PTCHD4: variants seen among roughly 807,000 people sequenced by gnomAD.
PTCHD4 encodes the protein patched domain-containing protein 4.
A neutral mutation model predicts 58.1 loss-of-function variants in PTCHD4; 33 were observed. The ratio of observed to expected loss-of-function variants is 0.57; its 90% CI spans 0.43 to 0.76. The LOEUF (loss-of-function observed/expected upper bound fraction) is 0.76. PTCHD4 is among the 30% of genes least tolerant of loss of function. The pLI, the probability that PTCHD4 is intolerant of heterozygous loss-of-function variation, is 0.00. For synonymous variants in PTCHD4, 478 were observed against 409.6 expected, an observed-to-expected ratio of 1.17 and a Z score of -2.02; for missense variants, 1,058 against 1,027.1, an observed-to-expected ratio of 1.03 and a Z score of -0.41.
chr6:48,064,154 T>C (rs1447008020), intron 3 of PTCHD4, among the ~76,000 whole-genome samples: 4 of 152,188 alleles, frequency 2.6e-5, no homozygotes, highest in Non-Finnish European at 5.9e-5. Context: ...TATTTCTCTA[T>C]CACCGTTGGC....
chr6:47,911,313 A>G (rs1391505148), intron 4 of PTCHD4, among the ~76,000 whole-genome samples: 1 of 152,068 alleles, frequency 6.6e-6, no homozygotes, highest in Non-Finnish European at 1.5e-5. Flanking sequence ...GTAAGCCACT[A>G]TGTAAACCTA....
At chr6:47,891,362 A>G (rs1764376937) in intron 4 of PTCHD4, among the ~76,000 whole-genome samples, 1 of 152,060 alleles carries the variant, frequency 6.6e-6, no homozygotes, top group Admixed American at 6.6e-5. Flanking sequence ...ACCACAGACA[A>G]CCTCGCAAAA....
At chr6:47,963,953 T>G in intron 4 of PTCHD4, among the ~76,000 whole-genome samples, 1 of 152,218 alleles carries the variant, frequency 6.6e-6, no homozygotes, top group East Asian at 1.9e-4. Flanking sequence ...GACATAACTG[T>G]AATAGGATTA....
At chr6:48,073,664 C>A (rs1765013897) in intron 1 of PTCHD4, among the ~76,000 whole-genome samples, 2 of 152,194 alleles carry the variant, frequency 1.3e-5, no homozygotes, top group Non-Finnish European at 2.9e-5. Context: ...AGTCATTCAT[C>A]CACCTTCCGC....
intron 4 of PTCHD4, among the ~76,000 whole-genome samples, chr6:47,888,591 G>GAGTT (rs1393363179): frequency 6.6e-6 from 1 of 152,108 alleles, no homozygotes; most frequent in Non-Finnish European, 1.5e-5. Context: ...GTCTCATCCA[G>GAGTT]AGTTTGCATT....
intron 3 of PTCHD4, among the ~76,000 whole-genome samples, chr6:48,067,858 C>T (rs983115076): frequency 1.3e-5 from 2 of 151,162 alleles, no homozygotes; most frequent in African/African-American, 4.9e-5. Context: ...TTTTGTTTGG[C>T]CTTGAATTTC....
chr6:47,866,202 A>T lies in PTCHD4; in HGVS notation c.*12101T>A, dbSNP rs1387229130. ...CTTGTGACTTTTTAAAACTTCACTT[A>T]ATAAAAGGCTCTATCAGTATTTATT... On this transcript the variant is annotated 3_prime_UTR_variant, in exon 5 of 5. Coordinates refer to ENST00000339488, the MANE Select transcript of PTCHD4 (RefSeq NM_001384253.1). Among the ~76,000 whole-genome samples, 2 of 151,856 alleles carry T rather than the reference A, an allele frequency of 1.3e-5. No homozygotes were observed. Among genetic ancestry groups the T allele is most frequent in the Non-Finnish European group, 2.9e-5 (2 of 67,886 alleles).
At chr6:48,016,255 C>T (rs80062779) in intron 3 of PTCHD4, among the ~76,000 whole-genome samples, 1,601 of 151,954 alleles carry the variant, frequency 0.011, 52 homozygotes, top group African/African-American at 0.036. Context: ...GGATTTGAGG[C>T]TACAGAAGGC....
At chr6:47,912,875 C>T (rs1409281374) in intron 4 of PTCHD4, among the ~76,000 whole-genome samples, 1 of 152,118 alleles carries the variant, frequency 6.6e-6, no homozygotes, top group East Asian at 1.9e-4. Flanking sequence ...TTTCTCCCTC[C>T]TCTTCCTCCG....
intron 4 of PTCHD4, among the ~76,000 whole-genome samples, chr6:47,968,630 A>G (rs1456379492): frequency 1.3e-5 from 2 of 152,210 alleles, no homozygotes; most frequent in African/African-American, 4.8e-5. Flanking sequence ...TGAATCATTT[A>G]CTTTTCATAC....
intron 1 of PTCHD4, among the ~76,000 whole-genome samples, chr6:48,090,896 A>G (rs1765352945): frequency 6.6e-6 from 1 of 152,238 alleles, no homozygotes; most frequent in Admixed American, 6.5e-5. Flanking sequence ...TTATTTAAAT[A>G]GAGTCCATTT....
At chr6:48,037,458 A>G (rs1475866583) in intron 3 of PTCHD4, among the ~76,000 whole-genome samples, 1 of 152,182 alleles carries the variant, frequency 6.6e-6, no homozygotes, top group Non-Finnish European at 1.5e-5. Context: ...GTAGAGGCAC[A>G]TAAACTCTAG....
intron 4 of PTCHD4, among the ~76,000 whole-genome samples, chr6:47,898,031 G>A (rs1251742866): frequency 7.5e-6 from 1 of 133,484 alleles, no homozygotes; most frequent in Non-Finnish European, 1.5e-5. Flanking sequence ...TGCACCCTCT[G>A]CCTCTTGGGT....
chr6:47,891,577 G>T (rs956792274), intron 4 of PTCHD4, among the ~76,000 whole-genome samples: 13 of 152,036 alleles, frequency 8.6e-5, no homozygotes, highest in South Asian at 2.1e-4. Context: ...CTCCATCTAG[G>T]TATAATAATT....
rs1454692054 is a variant in PTCHD4 at position 47,862,147 on chromosome 6, T to C, written c.*16156A>G. 6.6e-6 allele frequency among the ~76,000 whole-genome samples: 1 copy of C among 151,912 alleles called. No individual in the cohort carries two copies. Among genetic ancestry groups the C allele is most frequent in the Non-Finnish European group, 1.5e-5 (1 of 67,858 alleles). On this transcript the variant is annotated 3_prime_UTR_variant, in exon 5 of 5. Transcript: ENST00000339488. Reference sequence around the variant, plus strand: ...TGATTGGAGTTTCAGCACTTCTTTATTGTATAGGTATGACCAAGTTGGCCT... The same window carrying C: ...TGATTGGAGTTTCAGCACTTCTTTACTGTATAGGTATGACCAAGTTGGCCT...
intron 4 of PTCHD4, among the ~76,000 whole-genome samples, chr6:47,918,367 A>G (rs1011269553): frequency 3.3e-5 from 5 of 152,080 alleles, no homozygotes; most frequent in Non-Finnish European, 5.9e-5. Flanking sequence ...TCTAAACTAG[A>G]AAAAAAATCC....
At chr6:47,899,450 A>C (rs1419951505) in intron 4 of PTCHD4, among the ~76,000 whole-genome samples, 1 of 152,198 alleles carries the variant, frequency 6.6e-6, no homozygotes, top group Admixed American at 6.5e-5. Flanking sequence ...CATAGGTGGA[A>C]TGTTGTATAG....
At chr6:48,005,628 T>G (rs1253895004) in intron 4 of PTCHD4, among the ~76,000 whole-genome samples, 1 of 152,342 alleles carries the variant, frequency 6.6e-6, no homozygotes, top group Admixed American at 6.5e-5. Flanking sequence ...AGGCTCTGTA[T>G]GCAAAGCTGT....
At chr6:48,066,636 C>T (rs1008379238) in intron 3 of PTCHD4, among the ~76,000 whole-genome samples, 1 of 152,176 alleles carries the variant, frequency 6.6e-6, no homozygotes, top group African/African-American at 2.4e-5. Flanking sequence ...AACCACACAT[C>T]CAACATGCTC....
Sources: gnomAD v4.1 joint callset for allele counts (sites outside exome capture counted in the v4.1 genomes callset) on GRCh38, gnomAD v4.1.1 for gene constraint, MANE v1.5 for transcripts, NCBI Gene and HGNC (gene_info 2026-07-23, HGNC 2026-07-21) for gene names.